The following VAPB variants were observed in gnomAD, a reference collection of about 807,000 sequenced individuals.
VAPB encodes the protein VAMP associated protein B and C.
In VAPB, 7 loss-of-function variants were observed where a neutral mutation model predicts 25.6. The observed-to-expected ratio is 0.27, with a 90% CI of 0.16 to 0.51. VAPB has a LOEUF of 0.51. Ranked by LOEUF, VAPB falls within the 20% of genes least tolerant of loss-of-function variation. The pLI is 0.97. For synonymous variants in VAPB, 112 were observed against 109.2 expected (o/e 1.03, Z -0.16); for missense variants, 266 against 301.3 (o/e 0.88, Z 0.87).
In VAPB at chr20:58,449,109, C is replaced by T. The variant is rs989372982; in HGVS notation, c.*4874C>T. 18 of 454,020 alleles carry T rather than the reference C, an allele frequency of 4.0e-5. No homozygotes were observed. Among genetic ancestry groups the T allele is most frequent in the Non-Finnish European group, 7.9e-5 (18 of 226,800 alleles). The allele number at this position is 454,020 out of a possible 1,614,324, so 28.1% of individuals were successfully genotyped here. A position where few individuals can be genotyped will look rare whatever the true frequency, so the allele number is the denominator to read the frequency against. On this transcript the variant is annotated 3_prime_UTR_variant, in exon 6 of 6. Coordinates refer to ENST00000475243, the MANE Select transcript of VAPB (RefSeq NM_004738.5). ...AGAAGCCCCTGATAAGGAGCGTCAG[C>T]CGACAGGCAAGCTTGGGAGGCTGTG... is the stretch of plus-strand genomic sequence containing the variant.
chr20:58,437,864 G>T (rs1989082807), intron 3 of VAPB, among the ~76,000 whole-genome samples: 1 of 152,116 alleles, frequency 6.6e-6, no homozygotes, highest in South Asian at 2.1e-4. Context: ...CCCACTTTTG[G>T]TTCTTGGTAC....
chr20:58,427,390 C>T (rs1988818575), intron 2 of VAPB, among the ~76,000 whole-genome samples: 1 of 136,392 alleles, frequency 7.3e-6, no homozygotes, highest in African/African-American at 2.8e-5. Flanking sequence ...GATCTGTTAC[C>T]ATTATGATGC....
At chr20:58,410,052 A>T (rs776432736) in intron 1 of VAPB, among the ~76,000 whole-genome samples, 28 of 150,062 alleles carry the variant, frequency 1.9e-4, no homozygotes, top group East Asian at 3.9e-4. Context: ...TCCTTTTTTT[A>T]AAAAAAATAT....
chr20:58,413,806 A>T (rs71368141), intron 1 of VAPB, among the ~76,000 whole-genome samples: 6 of 114,098 alleles, frequency 5.3e-5, no homozygotes, highest in East Asian at 5.6e-4. Context: ...CGGACGGGGC[A>T]GCTGGCCGGG....
chr20:58,398,130 C>G (rs992017145), intron 1 of VAPB, among the ~76,000 whole-genome samples: 3 of 152,124 alleles, frequency 2.0e-5, no homozygotes, highest in Admixed American at 6.5e-5. Context: ...TACTCAGAAC[C>G]CTTAAGTTAG....
chr20:58,408,174 GCAT>G (rs1377002589), intron 1 of VAPB, among the ~76,000 whole-genome samples: 1 of 152,116 alleles, frequency 6.6e-6, no homozygotes, highest in Non-Finnish European at 1.5e-5. Flanking sequence ...GCCTTTGATG[GCAT>G]CATCAGTGAG....
At chr20:58,443,084 G>T (rs1444605169) in intron 5 of VAPB, among the ~76,000 whole-genome samples, 1 of 152,154 alleles carries the variant, frequency 6.6e-6, no homozygotes, top group Non-Finnish European at 1.5e-5. Context: ...CAGATTCTTA[G>T]GAAAGTGCAA....
intron 1 of VAPB, among the ~76,000 whole-genome samples, chr20:58,391,543 T>G (rs886481719): frequency 2.0e-5 from 3 of 152,088 alleles, no homozygotes; most frequent in Non-Finnish European, 2.9e-5. Flanking sequence ...AGTAGTTTTT[T>G]TTTTTTTGAG....
intron 1 of VAPB, among the ~76,000 whole-genome samples, chr20:58,391,459 A>T (rs890336881): frequency 1.3e-5 from 2 of 152,142 alleles, no homozygotes; most frequent in African/African-American, 4.8e-5. Flanking sequence ...AGGGTGGGGA[A>T]CATTTCAGAC....
In VAPB at chr20:58,414,151, ACGGGGCGG is replaced by A. The variant is rs1244226845; in HGVS notation, c.59-4058_59-4051del. Among the ~76,000 whole-genome samples the A allele has an allele frequency of 5.3e-4, 59 of 112,286 alleles. 1 individual carries two copies. Among genetic ancestry groups the A allele is most frequent in the Non-Finnish European group, 9.1e-4 (49 of 53,644 alleles). The allele number at this position is 112,286 out of a possible 152,430, so 73.7% of individuals were successfully genotyped here. Reference sequence around the variant, plus strand: ...GCTGACGCCCCGACCTCCCTCCCGGACGGGGCGGCTGGCCGGGCGGGGGGCTGACCCCC... The same window carrying A: ...GCTGACGCCCCGACCTCCCTCCCGGACTGGCCGGGCGGGGGGCTGACCCCC... On this transcript the variant is annotated intron_variant, in intron 1 of 5. Coordinates refer to ENST00000475243, the MANE Select transcript of VAPB (RefSeq NM_004738.5).
intron 2 of VAPB, among the ~76,000 whole-genome samples, chr20:58,425,782 C>T (rs1165064518): frequency 2.0e-5 from 3 of 152,138 alleles, no homozygotes; most frequent in South Asian, 2.1e-4. Flanking sequence ...ACAAAAATTC[C>T]GGAGGTGGGG....
rs1015073844 is a variant in VAPB, at chr20:58,450,302, C to G, written c.*6067C>G. The G allele has an allele frequency of 4.8e-5, 22 of 453,778 alleles. 1 individual carries two copies. The highest frequency in any genetic ancestry group is 4.2e-4 in the African/African-American group (21 of 49,948). The allele number at this position is 453,778 out of a possible 1,614,324, so 28.1% of individuals were successfully genotyped here. A position where few individuals can be genotyped will look rare whatever the true frequency, so the allele number is the denominator to read the frequency against. On this transcript the variant is annotated 3_prime_UTR_variant, in exon 6 of 6. Transcript: ENST00000475243. ...ATTGAGACCATGTGTACAAGAACTA[C>G]TTTTTGCTTTTCATCATTCACTCCT... is the stretch of plus-strand genomic sequence containing the variant.
chr20:58,390,778 C>T (rs2123008796), intron 1 of VAPB, among the ~76,000 whole-genome samples: 1 of 152,242 alleles, frequency 6.6e-6, no homozygotes, highest in East Asian at 1.9e-4. Flanking sequence ...GTAACTTACC[C>T]AAAGTTACCC....
At position 58,414,361 on chromosome 20, in the gene VAPB, G is replaced by T. The variant is rs1173423726; in HGVS notation, c.59-3850G>T. 3.4e-5 allele frequency among the ~76,000 whole-genome samples: 5 copies of T among 148,410 alleles called. No homozygotes were observed. In the South Asian group the frequency reaches 1.1e-3, roughly 32 times the overall value. On this transcript the variant is annotated intron_variant, in intron 1 of 5. Transcript: ENST00000475243. ...CTCCCTCCCGGACGGGGCGGCCGCCGGGCGGAGACGCCCCCCACCTCCCAG... is the reference window on the plus strand; with the variant it reads ...CTCCCTCCCGGACGGGGCGGCCGCCTGGCGGAGACGCCCCCCACCTCCCAG...
At chr20:58,442,353 C>T (rs573725508) in intron 5 of VAPB, among the ~76,000 whole-genome samples, 20 of 152,240 alleles carry the variant, frequency 1.3e-4, no homozygotes, top group Middle Eastern at 3.4e-3. Context: ...TGAAGCTTCT[C>T]GAGTGTATTT....
At chr20:58,409,724 A>ATATATC (rs1988325833) in intron 1 of VAPB, among the ~76,000 whole-genome samples, 3 of 152,182 alleles carry the variant, frequency 2.0e-5, no homozygotes, top group Admixed American at 2.0e-4. Context: ...CTGATAGATT[A>ATATATC]TATATCAAAT....
rs963796985 is a variant in VAPB at position 58,446,675 on chromosome 20, T to C, written c.*2440T>C. 6.6e-6 allele frequency: 3 copies of C among 453,928 alleles called. No individual in the cohort carries two copies. Among genetic ancestry groups the C allele is most frequent in the African/African-American group, 6.0e-5 (3 of 49,988 alleles). The allele number at this position is 453,928 out of a possible 1,614,324, so 28.1% of individuals were successfully genotyped here. A position where few individuals can be genotyped will look rare whatever the true frequency, so the allele number is the denominator to read the frequency against. On this transcript the variant is annotated 3_prime_UTR_variant, in exon 6 of 6. Coordinates refer to ENST00000475243, the MANE Select transcript of VAPB (RefSeq NM_004738.5). ...GCTAAAAATCAGTCTCTGAAGTCTCTCTCCCTTCTAGAGGTTAGGACTTGG... is the reference window on the plus strand; with the variant it reads ...GCTAAAAATCAGTCTCTGAAGTCTCCCTCCCTTCTAGAGGTTAGGACTTGG...
intron 1 of VAPB, among the ~76,000 whole-genome samples, chr20:58,413,385 CA>C (rs1468251894): frequency 2.0e-5 from 3 of 151,862 alleles, no homozygotes; most frequent in Non-Finnish European, 4.4e-5. Context: ...ATCTGTTTAA[CA>C]AAGCACATCT....
intron 1 of VAPB, among the ~76,000 whole-genome samples, chr20:58,414,683 C>T (rs1475547714): frequency 1.3e-5 from 2 of 151,470 alleles, no homozygotes; most frequent in South Asian, 2.1e-4. Context: ...CGGAAAGAGG[C>T]GCTCCTCACC....
Sources: gnomAD v4.1 joint callset for allele counts (sites outside exome capture counted in the v4.1 genomes callset) on GRCh38, gnomAD v4.1.1 for gene constraint, MANE v1.5 for transcripts, NCBI Gene and HGNC (gene_info 2026-07-23, HGNC 2026-07-21) for gene names.